Variants in EPHA6 observed in about 807,000 individuals in gnomAD.
EPHA6 encodes EPH receptor A6.
EPHA6 carries 50 observed loss-of-function variants against 112.0 expected under a neutral mutation model. That is an observed-to-expected ratio of 0.45 (90% CI 0.36 to 0.56). The LOEUF (loss-of-function observed/expected upper bound fraction) is 0.56. Among genes scored for constraint, EPHA6 ranks in the 20% least tolerant of loss-of-function variants. The pLI, the probability that EPHA6 is intolerant of heterozygous loss-of-function variation, is 0.00. For synonymous variants in EPHA6, 529 were observed against 490.7 expected (o/e 1.08, Z -1.03); for missense variants, 1,280 against 1,417.4 (o/e 0.90, Z 1.56).
chr3:96,932,000 G>A (rs556558019), intron 2 of EPHA6, among the ~76,000 whole-genome samples: 45 of 152,198 alleles, frequency 3.0e-4, no homozygotes, highest in African/African-American at 1.0e-3. Flanking sequence ...CCCTCATGCC[G>A]TGGGCTCATG....
chr3:97,457,895 C>T (rs991262597), intron 7 of EPHA6, among the ~76,000 whole-genome samples: 2 of 151,138 alleles, frequency 1.3e-5, no homozygotes, highest in African/African-American at 2.4e-5. Flanking sequence ...TGAAACCCCC[C>T]TCTCTACTAA....
intron 3 of EPHA6, among the ~76,000 whole-genome samples, chr3:97,154,930 A>T (rs1490633925): frequency 1.3e-5 from 2 of 152,186 alleles, no homozygotes; most frequent in Non-Finnish European, 2.9e-5. Flanking sequence ...TGAATATATA[A>T]ATTAGATGGT....
At chr3:97,038,035 T>C (rs956215942) in intron 3 of EPHA6, among the ~76,000 whole-genome samples, 1 of 152,024 alleles carries the variant, frequency 6.6e-6, no homozygotes, top group African/African-American at 2.4e-5. Context: ...TTTTTATTGA[T>C]ACATAATGTA....
intron 5 of EPHA6, among the ~76,000 whole-genome samples, chr3:97,280,437 G>A (rs1382383996): frequency 6.6e-6 from 1 of 152,126 alleles, no homozygotes; most frequent in Non-Finnish European, 1.5e-5. Flanking sequence ...GGATCAGCAA[G>A]CAAACAAAAG....
In EPHA6 at chr3:97,330,701, C is replaced by T. The variant is rs547508406; in HGVS notation, c.1607-74449C>T. Among the ~76,000 whole-genome samples, 9 of 152,134 alleles carry T rather than the reference C, an allele frequency of 5.9e-5. No individual in the cohort carries two copies. The South Asian group carries it at 1.9e-3, about 32-fold the overall frequency. On this transcript the variant is annotated intron_variant, in intron 5 of 17. Coordinates refer to ENST00000389672, the MANE Select transcript of EPHA6 (RefSeq NM_001080448.3). Reference sequence around the variant, plus strand: ...AATTCAACAAGAAGAGCTAACTATCCTAAATATATATGCACCCAATACAGG... The same window carrying T: ...AATTCAACAAGAAGAGCTAACTATCTTAAATATATATGCACCCAATACAGG...
intron 3 of EPHA6, among the ~76,000 whole-genome samples, chr3:97,047,518 A>AG (rs1378028064): frequency 6.6e-6 from 1 of 150,516 alleles, no homozygotes; most frequent in Admixed American, 6.6e-5. Context: ...AAAAAAAAAA[A>AG]AAAGAAACCA....
intron 3 of EPHA6, among the ~76,000 whole-genome samples, chr3:97,181,174 A>C (rs985274118): frequency 6.6e-6 from 1 of 152,128 alleles, no homozygotes; most frequent in Non-Finnish European, 1.5e-5. Flanking sequence ...ACATTGTCTC[A>C]GAATTGCTAT....
chr3:97,337,267 C>T (rs556026137), intron 5 of EPHA6, among the ~76,000 whole-genome samples: 1 of 152,148 alleles, frequency 6.6e-6, no homozygotes, highest in East Asian at 1.9e-4. Context: ...TCTTCAAAGT[C>T]ACTGTTCATT....
At chr3:97,551,388 TG>T in intron 11 of EPHA6, among the ~76,000 whole-genome samples, 1 of 152,262 alleles carries the variant, frequency 6.6e-6, no homozygotes, top group South Asian at 2.1e-4. Context: ...ACATTTTCAT[TG>T]GGTTATATCA....
At chr3:97,669,205 A>G (rs2030512878) in intron 14 of EPHA6, among the ~76,000 whole-genome samples, 1 of 151,554 alleles carries the variant, frequency 6.6e-6, no homozygotes, top group Admixed American at 6.6e-5. Context: ...AAATACTAAG[A>G]TCTTTCATAT....
At position 97,519,321 on chromosome 3, in the gene EPHA6, T is replaced by C. The variant is rs528395648; in HGVS notation, c.2201-13037T>C. Among the ~76,000 whole-genome samples, 30 of 152,336 alleles carry C rather than the reference T, an allele frequency of 2.0e-4. 1 individual carries two copies. The South Asian group carries it at 5.8e-3, about 29-fold the overall frequency. On this transcript the variant is annotated intron_variant, in intron 10 of 17. Coordinates refer to ENST00000389672, the MANE Select transcript of EPHA6 (RefSeq NM_001080448.3). ...CGTCAGCTGTAGATATGTGTATATA[T>C]TTCTGCATTCTCTATTCTGTTCCAT...
intron 3 of EPHA6, among the ~76,000 whole-genome samples, chr3:97,098,098 T>C (rs1443656602): frequency 6.6e-6 from 1 of 151,950 alleles, no homozygotes; most frequent in Admixed American, 6.6e-5. Context: ...ATGTTGGAAT[T>C]AACAAAGTTC....
intron 14 of EPHA6, among the ~76,000 whole-genome samples, chr3:97,709,352 G>T (rs751752168): frequency 6.6e-6 from 1 of 152,332 alleles, no homozygotes; most frequent in South Asian, 2.1e-4. Context: ...CTGCCCTGTT[G>T]GGTTTCAGAC....
At chr3:97,615,277 G>C (rs989053232) in intron 13 of EPHA6, among the ~76,000 whole-genome samples, 1 of 152,062 alleles carries the variant, frequency 6.6e-6, no homozygotes, top group Non-Finnish European at 1.5e-5. Flanking sequence ...ACTCCACCAG[G>C]GTTTTCAGTC....
At chr3:97,203,592 G>A (rs1440742581) in intron 3 of EPHA6, among the ~76,000 whole-genome samples, 3 of 152,026 alleles carry the variant, frequency 2.0e-5, no homozygotes, top group African/African-American at 7.2e-5. Flanking sequence ...AAAATCTAAT[G>A]AAATATTTAA....
intron 2 of EPHA6, among the ~76,000 whole-genome samples, chr3:96,897,696 G>A (rs1438848207): frequency 6.6e-6 from 1 of 152,158 alleles, no homozygotes; most frequent in Non-Finnish European, 1.5e-5. Context: ...AAAATAAAAA[G>A]GGAGAGGTGC....
chr3:97,342,967 T>C (rs935499630), intron 5 of EPHA6, among the ~76,000 whole-genome samples: 1 of 152,188 alleles, frequency 6.6e-6, no homozygotes, highest in East Asian at 1.9e-4. Flanking sequence ...GTAATAAATA[T>C]GTAAAACTGT....
At chr3:97,521,923 C>CAAA (rs754123519) in intron 10 of EPHA6, among the ~76,000 whole-genome samples, 4 of 87,968 alleles carry the variant, frequency 4.5e-5, no homozygotes, top group Admixed American at 1.1e-4. Context: ...GAGCCTTTTT[C>CAAA]AAAAAAAAAA....
intron 1 of EPHA6, among the ~76,000 whole-genome samples, chr3:96,823,939 T>G (rs937408532): frequency 6.6e-6 from 1 of 151,790 alleles, no homozygotes; most frequent in African/African-American, 2.4e-5. Context: ...TAGTGGAAAT[T>G]AGCATACTCC....
Sources: allele counts gnomAD v4.1 joint callset (sites outside exome capture counted in the v4.1 genomes callset), GRCh38; gene constraint gnomAD v4.1.1; transcripts MANE v1.5; gene names NCBI Gene and HGNC (gene_info 2026-07-23, HGNC 2026-07-21).